Variants in SLC34A2 observed in about 807,000 individuals in gnomAD.
SLC34A2 encodes solute carrier family 34 member 2.
Under a neutral mutation model 50.8 loss-of-function variants are expected in SLC34A2, and 41 were observed. The observed-to-expected ratio is 0.81, with a 90% CI of 0.63 to 1.05. The LOEUF (loss-of-function observed/expected upper bound fraction) is 1.05, where lower values mean the gene tolerates loss of function less well. SLC34A2 is among the 50% of genes least tolerant of loss of function. The probability of loss-of-function intolerance (pLI) is 0.00; values close to 1 mark genes in which losing one functional copy is unlikely to be tolerated. For synonymous variants in SLC34A2, 401 were observed against 364.2 expected (o/e 1.10, Z -1.15); for missense variants, 879 against 876.7 (o/e 1.00, Z -0.03).
At chr4:25,671,288 G>T (rs1184494649) in intron 8 of SLC34A2, among the ~76,000 whole-genome samples, 1 of 152,138 alleles carries the variant, frequency 6.6e-6, no homozygotes, top group Non-Finnish European at 1.5e-5. Context: ...AGGCTGCTTT[G>T]CACCTGGGTT....
At chr4:25,662,276 G>A (rs1009873273) in intron 1 of SLC34A2, among the ~76,000 whole-genome samples, 1 of 152,236 alleles carries the variant, frequency 6.6e-6, no homozygotes, top group Non-Finnish European at 1.5e-5. Context: ...GTTTGCTTTA[G>A]CGACTGGGTG....
At chr4:25,670,514 T>C (rs1434777053) in intron 7 of SLC34A2, among the ~76,000 whole-genome samples, 2 of 152,202 alleles carry the variant, frequency 1.3e-5, no homozygotes, top group African/African-American at 4.8e-5. Flanking sequence ...CCTTGTGTTT[T>C]CACTCTTACT....
At chr4:25,664,058 C>G in intron 3 of SLC34A2, 144 bp from the exon 4 acceptor site, 1 of 807,284 alleles carries the variant, frequency 1.2e-6, no homozygotes, top group Non-Finnish European at 2.2e-6. Context: ...GTAAGGCTGG[C>G]TAGACATAAG....
chr4:25,674,098 G>A (rs1714970053), intron 10 of SLC34A2, among the ~76,000 whole-genome samples, 198 bp from the exon 11 acceptor site: 2 of 152,178 alleles, frequency 1.3e-5, no homozygotes, highest in South Asian at 4.1e-4. Flanking sequence ...ACACTTACCT[G>A]TATCCTTGGT....
At chr4:25,656,816 C>A (rs1328971190) in intron 1 of SLC34A2, among the ~76,000 whole-genome samples, 2 of 152,088 alleles carry the variant, frequency 1.3e-5, no homozygotes, top group East Asian at 3.9e-4. Context: ...CACTCGAGTC[C>A]CCTCTTCCTG....
chr4:25,662,910 C>A, intron 3 of SLC34A2, 68 bp downstream of exon 3: 1 of 1,562,116 alleles, frequency 6.4e-7, no homozygotes, highest in Middle Eastern at 1.8e-4. Context: ...CATCATCCTC[C>A]TGTCCCTCCC....
At chr4:25,667,441 G>A (rs542805503) in intron 5 of SLC34A2, among the ~76,000 whole-genome samples, 5 of 152,260 alleles carry the variant, frequency 3.3e-5, no homozygotes, top group South Asian at 4.1e-4. Context: ...TAACCTGGGA[G>A]GTAGAGGTTG....
At chr4:25,666,795 C>A (rs1423148788) in intron 5 of SLC34A2, 3 of 153,758 alleles carry the variant, frequency 2.0e-5, no homozygotes, top group East Asian at 1.9e-4. Context: ...CTGGGACAAC[C>A]GAGCTTGGGA....
chr4:25,670,463 TAG>T (rs1560239454), intron 7 of SLC34A2, among the ~76,000 whole-genome samples: 1 of 152,192 alleles, frequency 6.6e-6, no homozygotes, highest in Non-Finnish European at 1.5e-5. Context: ...CTTTCCTGCC[TAG>T]AGTCATCTCA....
chr4:25,662,480 C>T lies in SLC34A2; in HGVS notation c.-3-18C>T. 6.2e-7 allele frequency: 1 copy of T among 1,605,340 alleles called. No individual in the cohort carries two copies. The highest frequency in any genetic ancestry group is 8.5e-7 in the Non-Finnish European group (1 of 1,172,184). On this transcript the variant is annotated intron_variant, in intron 1 of 12. Transcript: ENST00000382051. Reference sequence around the variant, plus strand: ...TCCTTTCCATGACTGCTGCTTTAAGCTGTTTTCTCATCCACAGACCATGGC... The same window carrying T: ...TCCTTTCCATGACTGCTGCTTTAAGTTGTTTTCTCATCCACAGACCATGGC...
intron 5 of SLC34A2, among the ~76,000 whole-genome samples, chr4:25,666,605 G>A (rs1220875380): frequency 6.6e-6 from 1 of 152,178 alleles, no homozygotes; most frequent in Non-Finnish European, 1.5e-5. Flanking sequence ...ATAACATTCA[G>A]TTCCTCAGTT....
chr4:25,657,205 G>T (rs1713928424), intron 1 of SLC34A2, among the ~76,000 whole-genome samples: 1 of 152,120 alleles, frequency 6.6e-6, no homozygotes, highest in African/African-American at 2.4e-5. Flanking sequence ...GCTTCTGATT[G>T]TTGCTGTTAG....
In SLC34A2 at chr4:25,676,432, A is replaced by T. The variant is rs1264773283; in HGVS notation, c.1756A>T (p.Lys586Ter). ...QSRCPRVLPKKLQNWNFLPLW... is the reference protein window; with the variant it reads ...QSRCPRVLPK Reference sequence around the variant, plus strand: ...TCGCTGCCCACGCGTCCTGCCGAAGAAACTCCAGAACTGGAACTTCCTGCC... The same window carrying T: ...TCGCTGCCCACGCGTCCTGCCGAAGTAACTCCAGAACTGGAACTTCCTGCC... Residue 586 changes from lysine to a stop codon, truncating the protein, a stop_gained, in exon 13 of 13, where the codon AAA becomes TAA. Coordinates refer to ENST00000382051, the MANE Select transcript of SLC34A2 (RefSeq NM_006424.3). LOFTEE classifies it low-confidence loss of function (END_TRUNC). The T allele has an allele frequency of 1.9e-6, 3 of 1,613,902 alleles. No homozygotes were observed. In the African/African-American group the frequency reaches 4.0e-5, roughly 22 times the overall value.
chr4:25,667,668 C>T (rs1714571651), intron 5 of SLC34A2, among the ~76,000 whole-genome samples: 1 of 152,162 alleles, frequency 6.6e-6, no homozygotes, highest in South Asian at 2.1e-4. Context: ...TCAGGCTAGC[C>T]TTGGATCTGC....
intron 7 of SLC34A2, 114 bp downstream of exon 7, chr4:25,669,956 C>T (rs962876912): frequency 2.3e-5 from 23 of 1,017,666 alleles, no homozygotes; most frequent in Middle Eastern, 2.6e-4. Context: ...GGCATGGTGG[C>T]TCACCCTTGT....
rs541241949 is a variant in SLC34A2, at chr4:25,668,528, G to A, written c.635+537G>A. Among the ~76,000 whole-genome samples the A allele has an allele frequency of 1.0e-3, 152 of 152,158 alleles. No homozygotes were observed. In the Middle Eastern group the frequency reaches 0.01, roughly 10 times the overall value. ...GTGGTTGCCAGCGTCTGTAATCCCA[G>A]CTACTCTGGAGGCTGAGGCAGGAGA... On this transcript the variant is annotated intron_variant, in intron 6 of 12. Transcript: ENST00000382051.
chr4:25,661,944 C>T (rs1310737479), intron 1 of SLC34A2, among the ~76,000 whole-genome samples: 1 of 150,720 alleles, frequency 6.6e-6, no homozygotes, highest in Non-Finnish European at 1.5e-5. Flanking sequence ...ACAATCTCAG[C>T]TCACTGCAAC....
chr4:25,662,384 C>G, intron 1 of SLC34A2, 114 bp from the exon 2 acceptor site: 3 of 887,702 alleles, frequency 3.4e-6, no homozygotes, highest in Admixed American at 2.0e-5. Flanking sequence ...ACTGCCGCCT[C>G]CGGCCGAAAC....
intron 3 of SLC34A2, 115 bp downstream of exon 3, chr4:25,662,957 C>T (rs190958113): frequency 1.6e-6 from 2 of 1,258,118 alleles, no homozygotes; most frequent in Admixed American, 2.3e-5. Flanking sequence ...AGCAAGGGTC[C>T]TGGCTAGGGA....
Sources: gnomAD v4.1 joint callset for allele counts (sites outside exome capture counted in the v4.1 genomes callset) on GRCh38, gnomAD v4.1.1 for gene constraint, MANE v1.5 for transcripts, NCBI Gene and HGNC (gene_info 2026-07-23, HGNC 2026-07-21) for gene names.